The following TMPRSS15 variants were observed in gnomAD, a reference collection of about 807,000 sequenced individuals.
TMPRSS15 encodes transmembrane serine protease 15, also known as enteropeptidase.
In TMPRSS15, 128 loss-of-function variants were observed where a neutral mutation model predicts 125.3. The ratio of observed to expected loss-of-function variants is 1.02; its 90% CI spans 0.89 to 1.18. The LOEUF (loss-of-function observed/expected upper bound fraction) is 1.18. TMPRSS15 is among the 50% of genes most tolerant of loss of function. TMPRSS15 has a pLI of 0.00. For synonymous variants in TMPRSS15, 446 were observed against 423.2 expected, an observed-to-expected ratio of 1.05 and a Z score of -0.66; for missense variants, 1,283 against 1,212.7, an observed-to-expected ratio of 1.06 and a Z score of -0.86.
upstream of TMPRSS15, among the ~76,000 whole-genome samples, chr21:18,406,211 G>A (rs1456187371): frequency 6.6e-6 from 1 of 152,094 alleles, no homozygotes; most frequent in Non-Finnish European, 1.5e-5. Context: ...TGGGACCTGC[G>A]TGAGACAGTG....
At chr21:18,482,559 A>G (rs1476730941) in intron 1 of TMPRSS15, among the ~76,000 whole-genome samples, 1 of 151,608 alleles carries the variant, frequency 6.6e-6, no homozygotes, top group Non-Finnish European at 1.5e-5. Context: ...AAATAAGTAA[A>G]ATATTATGTA....
At chr21:18,402,419 C>T (rs1016782228) in intron 1 of TMPRSS15, among the ~76,000 whole-genome samples, 2 of 150,824 alleles carry the variant, frequency 1.3e-5, no homozygotes, top group African/African-American at 4.9e-5. Flanking sequence ...GTCCCAGCTA[C>T]TAGCAAGGCT....
chr21:18,280,060 T>G (rs528067650), intron 22 of TMPRSS15, among the ~76,000 whole-genome samples: 4 of 152,284 alleles, frequency 2.6e-5, no homozygotes, highest in African/African-American at 9.6e-5. Context: ...TTTTGATAAG[T>G]GCTGTAATGC....
intron 1 of TMPRSS15, among the ~76,000 whole-genome samples, chr21:18,471,574 C>A (rs902658425): frequency 6.6e-6 from 1 of 151,878 alleles, no homozygotes; most frequent in African/African-American, 2.4e-5. Flanking sequence ...AATAAGGATA[C>A]CTCAAAGAAT....
intron 6 of TMPRSS15, among the ~76,000 whole-genome samples, chr21:18,368,390 T>C (rs986056239): frequency 6.6e-6 from 1 of 152,234 alleles, no homozygotes; most frequent in African/African-American, 2.4e-5. Context: ...GATAAGGTCA[T>C]GTGACTGAGT....
intron 1 of TMPRSS15, among the ~76,000 whole-genome samples, chr21:18,451,303 CA>C (rs1005177358): frequency 3.3e-5 from 5 of 151,566 alleles, no homozygotes; most frequent in African/African-American, 1.2e-4. Context: ...CACAGTTCAC[CA>C]AAAAATAAAA....
rs750368219 is a variant in TMPRSS15, at chr21:18,269,788, A to G, written c.*181T>C. The G allele has an allele frequency of 1.6e-6, 1 of 614,580 alleles. No homozygotes were observed. Among genetic ancestry groups the G allele is most frequent in the Non-Finnish European group, 2.8e-6 (1 of 356,110 alleles). The allele number at this position is 614,580 out of a possible 1,614,324, so 38.1% of individuals were successfully genotyped here. ...TATTTTAAAGTTATTCTGTATTGCT[A>G]TGGTGAATTTTATTATTTTTAAAAT... On this transcript the variant is annotated 3_prime_UTR_variant, in exon 25 of 25. Coordinates refer to ENST00000284885, the MANE Select transcript of TMPRSS15 (RefSeq NM_002772.3).
At chr21:18,371,440 C>G (rs2147045186) in intron 6 of TMPRSS15, among the ~76,000 whole-genome samples, 1 of 152,214 alleles carries the variant, frequency 6.6e-6, no homozygotes, top group African/African-American at 2.4e-5. Flanking sequence ...GTAAACTTTT[C>G]TAAGTGGAAT....
chr21:18,376,283 G>T (rs530939463), intron 5 of TMPRSS15, among the ~76,000 whole-genome samples: 12 of 151,710 alleles, frequency 7.9e-5, no homozygotes, highest in African/African-American at 2.9e-4. Context: ...TTCTTTAGTA[G>T]TCTTGATACC....
intron 1 of TMPRSS15, among the ~76,000 whole-genome samples, chr21:18,430,432 T>G (rs1203461403): frequency 1.3e-5 from 2 of 152,150 alleles, no homozygotes; most frequent in Non-Finnish European, 2.9e-5. Context: ...TTGGTGAAGG[T>G]GTTCACCTAG....
At chr21:18,397,858 A>G (rs757443262) in intron 3 of TMPRSS15, 21 bp downstream of exon 3, 15 of 1,419,168 alleles carry the variant, frequency 1.1e-5, no homozygotes, top group Non-Finnish European at 1.4e-5. Context: ...CATCAGTAGA[A>G]AATTTTTGAG....
At position 18,315,203 on chromosome 21, in the gene TMPRSS15, C is replaced by T; in HGVS notation, c.1975G>A (p.Val659Met). Residue 659 changes from valine (V) to methionine (M), a missense_variant, in exon 17 of 25, where the codon GTG becomes ATG. Physicochemically the swap from Val to Met is conservative, Grantham distance 21 (BLOSUM62 1). Transcript: ENST00000284885. The stretch of plus-strand genomic sequence containing the variant: ...TGCAGATGACCGTCACAGAGATTCA[C>T]CAGTGGAACACACTCTCCATTTTTA... ...QCKNGECVPLVNLCDGHLHCE... is the reference protein window; with the variant it reads ...QCKNGECVPLMNLCDGHLHCE... 6.2e-7 allele frequency: 1 copy of T among 1,613,964 alleles called. No homozygotes were observed. The highest frequency in any genetic ancestry group is 8.5e-7 in the Non-Finnish European group (1 of 1,180,020).
At chr21:18,294,487 C>T in intron 20 of TMPRSS15, 43 bp from the exon 21 acceptor site, 1 of 1,612,606 alleles carries the variant, frequency 6.2e-7, no homozygotes, top group Middle Eastern at 1.7e-4. Flanking sequence ...TCATTTTTGG[C>T]ATTTCTTCTG....
At chr21:18,419,220 C>CTTTTTTTT (rs540004490) in intron 1 of TMPRSS15, among the ~76,000 whole-genome samples, 2 of 108,606 alleles carry the variant, frequency 1.8e-5, no homozygotes, top group African/African-American at 3.5e-5. Flanking sequence ...GACATTTCCT[C>CTTTTTTTT]TTTTTTTTTT....
At chr21:18,410,255 C>G (rs2076162669) in intron 1 of TMPRSS15, among the ~76,000 whole-genome samples, 1 of 151,746 alleles carries the variant, frequency 6.6e-6, no homozygotes, top group Non-Finnish European at 1.5e-5. Context: ...AAATCCTGTA[C>G]AAAGGTTCCT....
At chr21:18,463,284 G>A (rs1335220924) in intron 1 of TMPRSS15, among the ~76,000 whole-genome samples, 1 of 146,408 alleles carries the variant, frequency 6.8e-6, no homozygotes, top group African/African-American at 2.5e-5. Flanking sequence ...AAAAGCCGGG[G>A]GTGGGGAGGG....
At chr21:18,274,745 C>A (rs565135850) in intron 24 of TMPRSS15, among the ~76,000 whole-genome samples, 1 of 152,162 alleles carries the variant, frequency 6.6e-6, no homozygotes, top group South Asian at 2.1e-4. Flanking sequence ...GGTTACTGCA[C>A]GCCTGGATGA....
rs1156866755 is a variant in TMPRSS15, at chr21:18,294,362, C to T, written c.2394G>A (p.Trp798Ter). The change falls in exon 21 of 25, where the codon TGG becomes TGA. Residue 798 changes from tryptophan to a stop codon, truncating the protein, a stop_gained. Transcript: ENST00000284885. LOFTEE classifies it high-confidence loss of function. ...GSNAKEGAWP[W>*]VVGLYYGGRL... ...GGCCGCCATAATACAGACCCACAAC[C>T]CAGGGCCAGGCCCCTTCTTTGGCAT... 6.2e-7 allele frequency: 1 copy of T among 1,614,254 alleles called. No homozygotes were observed. Among genetic ancestry groups the T allele is most frequent in the Admixed American group, 1.7e-5 (1 of 60,028 alleles).
intron 1 of TMPRSS15, among the ~76,000 whole-genome samples, chr21:18,425,189 G>A (rs1016976133): frequency 3.3e-5 from 5 of 151,970 alleles, no homozygotes; most frequent in African/African-American, 1.2e-4. Flanking sequence ...TGGTAGAGTA[G>A]TTGCATGCCA....
Sources: allele counts gnomAD v4.1 joint callset (sites outside exome capture counted in the v4.1 genomes callset), GRCh38; gene constraint gnomAD v4.1.1; transcripts MANE v1.5; gene names NCBI Gene and HGNC (gene_info 2026-07-23, HGNC 2026-07-21).